The following TET3 variants were observed in gnomAD, a reference collection of about 807,000 sequenced individuals.
TET3 encodes methylcytosine dioxygenase TET3.
A neutral mutation model predicts 141.4 loss-of-function variants in TET3; 19 were observed. The ratio of observed to expected loss-of-function variants is 0.13; its 90% CI spans 0.09 to 0.20. The LOEUF is 0.20. Ranked by LOEUF, TET3 falls within the 10% of genes least tolerant of loss-of-function variation. TET3 has a pLI of 1.00. For synonymous variants in TET3, 1,043 were observed against 980.9 expected, an observed-to-expected ratio of 1.06 and a Z score of -1.18; for missense variants, 1,874 against 2,356.9, an observed-to-expected ratio of 0.80 and a Z score of 4.24.
chr2:74,075,461 T>G (rs1689453055), intron 5 of TET3, among the ~76,000 whole-genome samples: 2 of 150,668 alleles, frequency 1.3e-5, no homozygotes, highest in South Asian at 4.2e-4. Flanking sequence ...CCCGAGTACC[T>G]GAGACTACAG....
intron 3 of TET3, among the ~76,000 whole-genome samples, chr2:74,026,350 C>A (rs13027623): frequency 0.23 from 34,556 of 152,028 alleles, 4,286 homozygotes; most frequent in Non-Finnish European, 0.28. Context: ...GGTTTTAACA[C>A]CCCTGTCACC....
At chr2:74,095,444 T>C (rs1475542960) in intron 10 of TET3, among the ~76,000 whole-genome samples, 2 of 152,190 alleles carry the variant, frequency 1.3e-5, no homozygotes, top group African/African-American at 4.8e-5. Flanking sequence ...AAAGGAGTAT[T>C]TTCTTCCAAA....
chr2:73,988,667 T>G (rs911941321), intron 2 of TET3, among the ~76,000 whole-genome samples: 1 of 152,058 alleles, frequency 6.6e-6, no homozygotes, highest in African/African-American at 2.4e-5. Context: ...AGCCCCAGGG[T>G]CAGGTAAGGT....
chr2:74,105,443 T>C lies in TET3; in HGVS notation c.*3267T>C. On this transcript the variant is annotated 3_prime_UTR_variant, in exon 12 of 12. Transcript: ENST00000409262. ...AAATAACTGGTGCTAGCTCAAGAAA[T>C]CATCATCTGACCATCAGAAATCTTG... 2.5e-6 allele frequency: 1 copy of C among 398,466 alleles called. No individual in the cohort carries two copies. Among genetic ancestry groups the C allele is most frequent in the Non-Finnish European group, 4.4e-6 (1 of 226,058 alleles). 24.7% of individuals were successfully genotyped at this position (398,466 alleles called of 1,614,324 possible). A position where few individuals can be genotyped will look rare whatever the true frequency, so the allele number is the denominator to read the frequency against.
rs545746865 is a variant in TET3 at position 74,022,986 on chromosome 2, G to A, written c.360+19820G>A. ...AGATGGGGTTTCACCAAATTGACCA[G>A]GCTGGTCTTGAACTCCTGACCTCAA... On this transcript the variant is annotated intron_variant, in intron 3 of 11. Coordinates refer to ENST00000409262, the MANE Select transcript of TET3 (RefSeq NM_001287491.2). Among the ~76,000 whole-genome samples the A allele has an allele frequency of 1.5e-4, 23 of 152,096 alleles. No homozygotes were observed. In the South Asian group the frequency reaches 2.3e-3, roughly 15 times the overall value.
In TET3 at chr2:74,093,106, G is replaced by C. The variant is rs745605773; in HGVS notation, c.3129+115G>C. Reference sequence around the variant, plus strand: ...TTTACTCTCTTATGGGAAGAGCCTAGTCCAGAAGTAAAGCGATATGATGTG... The same window carrying C: ...TTTACTCTCTTATGGGAAGAGCCTACTCCAGAAGTAAAGCGATATGATGTG... On this transcript the variant is annotated intron_variant, in intron 9 of 11. Transcript: ENST00000409262. The surrounding 1 kb of genome is among the most constrained non-coding windows in gnomAD (Gnocchi z 4.2). 7 of 966,852 alleles carry C rather than the reference G, an allele frequency of 7.2e-6. No homozygotes were observed. Among genetic ancestry groups the C allele is most frequent in the Non-Finnish European group, 1.1e-5 (7 of 640,418 alleles). 59.9% of individuals were successfully genotyped at this position (966,852 alleles called of 1,614,324 possible).
the TET3 span, among the ~76,000 whole-genome samples, chr2:74,131,278 T>C: frequency 6.6e-6 from 1 of 152,226 alleles, no homozygotes; most frequent in African/African-American, 2.4e-5. Context: ...TCAGTCCATT[T>C]GTTCAGCTTT....
At chr2:74,129,909 C>T in the TET3 span, among the ~76,000 whole-genome samples, 23 of 152,030 alleles carry the variant, frequency 1.5e-4, no homozygotes, top group Non-Finnish European at 2.6e-4. Flanking sequence ...GCCTGGCCAA[C>T]ATGGTGAAAC....
rs1311692992 is a variant in TET3 at position 74,088,025 on chromosome 2, G to A, written c.2875G>A (p.Gly959Ser). 15 of 1,559,420 alleles carry A rather than the reference G, an allele frequency of 9.6e-6. No individual in the cohort carries two copies. Among genetic ancestry groups the A allele is most frequent in the Admixed American group, 1.9e-5 (1 of 52,038 alleles). The part of the protein sequence containing the change: ...KYGNPTSRRC[G>S]LNDDRTCACQ... ...TGGGAACCCCACCAGCCGGAGATGC[G>A]GCCTCAACGATGAGTATGTAGCAGA... is the stretch of plus-strand genomic sequence containing the variant. Residue 959 changes from glycine (G) to serine (S), a missense_variant, in exon 7 of 12, where the codon GGC becomes AGC. Gly to Ser is a moderately conservative substitution (Grantham distance 56, BLOSUM62 0). Around this residue, in one of 10 missense-constraint regions of TET3, gnomAD observed 126 missense variants for 327.4 expected, o/e 0.38. Coordinates refer to ENST00000409262, the MANE Select transcript of TET3 (RefSeq NM_001287491.2).
rs531982919 is a variant in TET3, at chr2:74,093,600, G to A, written c.3201G>A (p.Thr1067=). The change falls in exon 10 of 12, where the codon ACG becomes ACA. Residue 1067 remains threonine (T), a synonymous_variant. Transcript: ENST00000409262. The surrounding 1 kb of genome is among the most constrained non-coding windows in gnomAD (Gnocchi z 4.2). ...LKEGRPFAGV[T]ACMDFCAHAH... ...AAGGACGGCCCTTCGCGGGGGTCAC[G>A]GCCTGCATGGACTTCTGTGCCCACG... 1.4e-5 allele frequency: 23 copies of A among 1,613,628 alleles called. 1 individual carries two copies. In the South Asian group the frequency reaches 1.4e-4, roughly 10 times the overall value.
intron 8 of TET3, among the ~76,000 whole-genome samples, chr2:74,091,072 A>G (rs1275579391): frequency 1.3e-5 from 2 of 152,132 alleles, no homozygotes; most frequent in African/African-American, 4.8e-5. Flanking sequence ...AAGAAAAAGG[A>G]AGCATTTTCA....
chr2:74,037,335 C>CTTG (rs2105319958), intron 3 of TET3, among the ~76,000 whole-genome samples: 1 of 152,342 alleles, frequency 6.6e-6, no homozygotes, highest in African/African-American at 2.4e-5. Flanking sequence ...AACCCATTTG[C>CTTG]TATTAGAGAG....
intron 3 of TET3, among the ~76,000 whole-genome samples, chr2:74,005,233 T>C (rs1685092636): frequency 6.6e-6 from 1 of 152,240 alleles, no homozygotes; most frequent in African/African-American, 2.4e-5. Flanking sequence ...CTTAGTGTTG[T>C]GGACATGTGG....
chr2:74,112,022 A>G (rs554083273), downstream of TET3, among the ~76,000 whole-genome samples: 6 of 152,314 alleles, frequency 3.9e-5, no homozygotes, highest in Admixed American at 6.5e-5. Flanking sequence ...AAAGACTTCA[A>G]TTCTAGCCCC....
At chr2:74,094,077 A>G (rs1012607879) in intron 10 of TET3, among the ~76,000 whole-genome samples, 3 of 152,244 alleles carry the variant, frequency 2.0e-5, no homozygotes, top group African/African-American at 7.2e-5. Flanking sequence ...TGAAACGGAC[A>G]AAGTTCCTGC....
chr2:74,115,719 A>T, the TET3 span, among the ~76,000 whole-genome samples: 1 of 152,202 alleles, frequency 6.6e-6, no homozygotes, highest in African/African-American at 2.4e-5. Flanking sequence ...GCAAACAAAA[A>T]AATGTGCAAA....
intron 4 of TET3, among the ~76,000 whole-genome samples, chr2:74,052,594 G>T (rs1330299876): frequency 1.3e-5 from 2 of 149,912 alleles, no homozygotes; most frequent in South Asian, 4.2e-4. Context: ...GGAGGGGCCC[G>T]GGCGCTGTGG....
In TET3 at chr2:74,093,777, T is replaced by C; in HGVS notation, c.3267+111T>C. The C allele has an allele frequency of 7.5e-7, 1 of 1,329,376 alleles. No homozygotes were observed. Among genetic ancestry groups the C allele is most frequent in the Non-Finnish European group, 9.8e-7 (1 of 1,015,778 alleles). The allele number at this position is 1,329,376 out of a possible 1,614,324, so 82.3% of individuals were successfully genotyped here. ...GGTAGGGAGGGACCTGGAGACAGGATCCTCAGAACTCTGGAAGGTTCCCTG... is the reference window on the plus strand; with the variant it reads ...GGTAGGGAGGGACCTGGAGACAGGACCCTCAGAACTCTGGAAGGTTCCCTG... On this transcript the variant is annotated intron_variant, in intron 10 of 11. Transcript: ENST00000409262. This position sits in a 1 kb window ranked among gnomAD's most constrained non-coding sequence, Gnocchi z 4.2.
At position 74,047,568 on chromosome 2, in the gene TET3, C is replaced by T. The variant is rs372134076; in HGVS notation, c.1651C>T (p.Pro551Ser). The change falls in exon 4 of 12, where the codon CCT becomes TCT. Residue 551 changes from proline to serine, a missense_variant. Coordinates refer to ENST00000409262, the MANE Select transcript of TET3 (RefSeq NM_001287491.2). Reference sequence around the variant, plus strand: ...GGTGCACGACACCTCCTTCCCTGCTCCTTCAGAGCCTTCTGCTCCTGGCTG... The same window carrying T: ...GGTGCACGACACCTCCTTCCCTGCTTCTTCAGAGCCTTCTGCTCCTGGCTG... ...EQVHDTSFPA[P>S]SEPSAPGWWP... is the part of the protein sequence containing the mutation. 3.1e-6 allele frequency: 5 copies of T among 1,613,828 alleles called. No homozygotes were observed. The African/African-American group carries it at 5.3e-5, about 17-fold the overall frequency.
Sources: gnomAD v4.1 joint callset for allele counts (sites outside exome capture counted in the v4.1 genomes callset) on GRCh38, gnomAD v4.1.1 for gene constraint, gnomAD v4.1.1 regional missense constraint, Gnocchi (gnomAD v3.1) non-coding constraint, MANE v1.5 for transcripts, NCBI Gene and HGNC (gene_info 2026-07-23, HGNC 2026-07-21) for gene names.